The following ST8SIA6 variants were observed in gnomAD, a reference collection of about 807,000 sequenced individuals.
ST8SIA6 encodes the protein ST8 alpha-N-acetyl-neuraminide alpha-2,8-sialyltransferase 6, also known as alpha-2,8-sialyltransferase 8F.
Under a neutral mutation model 33.6 loss-of-function variants are expected in ST8SIA6, and 39 were observed. That is an observed-to-expected ratio of 1.16 (90% CI 0.90 to 1.52). ST8SIA6 has a LOEUF of 1.52. ST8SIA6 is among the 40% of genes most tolerant of loss of function. The probability of loss-of-function intolerance (pLI) is 0.00; values close to 1 mark genes in which losing one functional copy is unlikely to be tolerated. For missense variants in ST8SIA6, 441 were observed against 443.8 expected (o/e 0.99, Z 0.06); for synonymous variants, 172 against 167.2 (o/e 1.03, Z -0.22).
chr10:17,420,925 G>A (rs1338270963), intron 2 of ST8SIA6, among the ~76,000 whole-genome samples: 1 of 152,146 alleles, frequency 6.6e-6, no homozygotes, highest in Non-Finnish European at 1.5e-5. Context: ...GAGAGCAAAG[G>A]GGGAAGTGCC....
chr10:17,384,649 T>G (rs1850270405), intron 3 of ST8SIA6, among the ~76,000 whole-genome samples: 1 of 152,220 alleles, frequency 6.6e-6, no homozygotes, highest in Non-Finnish European at 1.5e-5. Flanking sequence ...CATTTTTTTT[T>G]CCAGTTTTCC....
At chr10:17,418,593 G>C (rs887612077) in intron 2 of ST8SIA6, among the ~76,000 whole-genome samples, 8 of 152,206 alleles carry the variant, frequency 5.3e-5, no homozygotes, top group Non-Finnish European at 8.8e-5. Flanking sequence ...CAGGGCCCTT[G>C]TTGTTACAAG....
chr10:17,450,390 T>C (rs1852863148), intron 2 of ST8SIA6, among the ~76,000 whole-genome samples: 1 of 152,192 alleles, frequency 6.6e-6, no homozygotes, highest in Admixed American at 6.5e-5. Context: ...GTTTCAACTC[T>C]TGACCGCTGC....
intron 4 of ST8SIA6, among the ~76,000 whole-genome samples, chr10:17,344,741 G>A (rs1848777154): frequency 6.6e-6 from 1 of 152,180 alleles, no homozygotes; most frequent in Non-Finnish European, 1.5e-5. Flanking sequence ...GAGGGAAACA[G>A]TGTCCAAATC....
intron 2 of ST8SIA6, among the ~76,000 whole-genome samples, chr10:17,430,680 TATC>T (rs1316449079): frequency 6.6e-6 from 1 of 152,220 alleles, no homozygotes; most frequent in East Asian, 1.9e-4. Flanking sequence ...GCCATTTGTA[TATC>T]TTCTTTTGAG....
At chr10:17,352,171 A>G (rs1204298428) in intron 4 of ST8SIA6, among the ~76,000 whole-genome samples, 2 of 152,168 alleles carry the variant, frequency 1.3e-5, no homozygotes, top group Non-Finnish European at 2.9e-5. Context: ...ATATTCATCA[A>G]TTAAAAATAA....
intron 3 of ST8SIA6, among the ~76,000 whole-genome samples, chr10:17,385,713 A>G (rs573680456): frequency 1.1e-4 from 16 of 152,128 alleles, no homozygotes; most frequent in Non-Finnish European, 2.2e-4. Flanking sequence ...GCCTCAGGCC[A>G]TCTGGATGTA....
At position 17,321,302 on chromosome 10, in the gene ST8SIA6, A is replaced by G. The variant is rs1445171055; in HGVS notation, c.773T>C (p.Ile258Thr). 7 of 1,612,786 alleles carry G rather than the reference A, an allele frequency of 4.3e-6. No homozygotes were observed. The highest frequency in any genetic ancestry group is 4.0e-5 in the African/African-American group (3 of 74,854). The change falls in exon 8 of 8, where the codon ATT becomes ACT. Residue 258 changes from isoleucine (I) to threonine (T), a missense_variant. Coordinates refer to ENST00000377602, the MANE Select transcript of ST8SIA6 (RefSeq NM_001004470.3). ...AAAAAATGCATCTCCATAGGTTGCA[A>G]TGTCCTCCAGAAATAGGGCTTTTTT... ...KEKKALFLED[I>T]ATYGDAFFLL...
At chr10:17,448,601 GTTGTTGTTC>G (rs1416557782) in intron 2 of ST8SIA6, among the ~76,000 whole-genome samples, 6 of 146,364 alleles carry the variant, frequency 4.1e-5, no homozygotes, top group South Asian at 2.3e-4. Context: ...TTTTATTGTT[GTTGTTGTTC>G]TTGTTGTTGT....
chr10:17,433,021 C>G (rs538620168), intron 2 of ST8SIA6, among the ~76,000 whole-genome samples: 2 of 152,266 alleles, frequency 1.3e-5, no homozygotes, highest in African/African-American at 4.8e-5. Flanking sequence ...TGGAGTCTCT[C>G]TGAATCTGCC....
intron 2 of ST8SIA6, among the ~76,000 whole-genome samples, chr10:17,438,936 T>A (rs1348489387): frequency 6.6e-6 from 1 of 152,206 alleles, no homozygotes; most frequent in Non-Finnish European, 1.5e-5. Flanking sequence ...TTCAGTCACA[T>A]TTTCAGAGTT....
Position 17,367,935 on chromosome 10 carries a change from C to T in ST8SIA6, c.291-8335G>A, listed in dbSNP as rs2131627888. 1.3e-5 allele frequency among the ~76,000 whole-genome samples: 2 copies of T among 152,290 alleles called. 1 individual carries two copies. The highest frequency in any genetic ancestry group is 4.1e-4 in the South Asian group (2 of 4,826). On this transcript the variant is annotated intron_variant, in intron 3 of 7. Transcript: ENST00000377602. ...TCCGAACACACATAAGCAGAGCTGA[C>T]CCTTCCCTCCCTCCTGACTCTCCTT... is the stretch of plus-strand genomic sequence containing the variant.
At chr10:17,427,255 A>G (rs147816774) in intron 2 of ST8SIA6, among the ~76,000 whole-genome samples, 2 of 152,238 alleles carry the variant, frequency 1.3e-5, no homozygotes, top group Non-Finnish European at 2.9e-5. Context: ...AGCATGTATC[A>G]AAGTCATTAG....
chr10:17,437,855 T>C (rs574017303), intron 2 of ST8SIA6, among the ~76,000 whole-genome samples: 55 of 152,104 alleles, frequency 3.6e-4, no homozygotes, highest in African/African-American at 1.3e-3. Flanking sequence ...CTCAGCCTCC[T>C]GAGTAGCTGG....
chr10:17,417,462 A>G (rs17367366), intron 2 of ST8SIA6, among the ~76,000 whole-genome samples: 4,934 of 151,868 alleles, frequency 0.032, 82 homozygotes, highest in South Asian at 0.055. Context: ...TCGAATGTCA[A>G]CCCCTCAGAG....
chr10:17,353,378 A>C (rs1849093994), intron 4 of ST8SIA6, among the ~76,000 whole-genome samples: 1 of 152,182 alleles, frequency 6.6e-6, no homozygotes, highest in African/African-American at 2.4e-5. Flanking sequence ...TAAATCATTA[A>C]ATGGTATGGT....
chr10:17,414,281 T>C (rs990398809), intron 2 of ST8SIA6, among the ~76,000 whole-genome samples: 1 of 152,196 alleles, frequency 6.6e-6, no homozygotes, highest in Non-Finnish European at 1.5e-5. Context: ...TACCTGGCAG[T>C]CCTACTATGT....
chr10:17,380,894 CAT>C (rs1850121965), intron 3 of ST8SIA6, among the ~76,000 whole-genome samples: 1 of 145,080 alleles, frequency 6.9e-6, no homozygotes, highest in Non-Finnish European at 1.5e-5. Flanking sequence ...TGTGTGTATG[CAT>C]ATGTGTATAT....
chr10:17,433,422 C>A (rs994792581), intron 2 of ST8SIA6, among the ~76,000 whole-genome samples: 1 of 152,152 alleles, frequency 6.6e-6, no homozygotes, highest in African/African-American at 2.4e-5. Context: ...CACGGAAATT[C>A]CAATTAAAAC....
Sources: gnomAD v4.1 joint callset for allele counts (sites outside exome capture counted in the v4.1 genomes callset) on GRCh38, gnomAD v4.1.1 for gene constraint, MANE v1.5 for transcripts, NCBI Gene and HGNC (gene_info 2026-07-23, HGNC 2026-07-21) for gene names.